Variants in MTURN observed in about 807,000 individuals in gnomAD.
The protein encoded by MTURN is maturin.
MTURN carries 7 observed loss-of-function variants against 14.9 expected under a neutral mutation model. The observed-to-expected ratio is 0.47, with a 90% CI of 0.27 to 0.88. The LOEUF (loss-of-function observed/expected upper bound fraction) is 0.88, where lower values mean the gene tolerates loss of function less well. MTURN is among the 40% of genes least tolerant of loss of function. The pLI is 0.14. For missense variants in MTURN, 151 were observed against 174.1 expected (o/e 0.87, Z 0.75); for synonymous variants, 69 against 72.5 (o/e 0.95, Z 0.25).
In MTURN at chr7:30,161,900, G is replaced by A. The variant is rs1343422971; in HGVS notation, c.*4352G>A. On this transcript the variant is annotated 3_prime_UTR_variant, in exon 3 of 3. Transcript: ENST00000324453. ...TTTATAGAGAGTAATTCTGAAACCTGCCAGAATGCTGGTAGCCTGTGGTGT... is the reference window on the plus strand; with the variant it reads ...TTTATAGAGAGTAATTCTGAAACCTACCAGAATGCTGGTAGCCTGTGGTGT... 1 of 152,142 alleles carries A rather than the reference G, an allele frequency of 6.6e-6. No homozygotes were observed. Among genetic ancestry groups the A allele is most frequent in the Admixed American group, 6.5e-5 (1 of 15,270 alleles). 9.4% of individuals were successfully genotyped at this position (152,142 alleles called of 1,614,324 possible). A position where few individuals can be genotyped will look rare whatever the true frequency, so the allele number is the denominator to read the frequency against.
intron 2 of MTURN, among the ~76,000 whole-genome samples, chr7:30,148,987 C>T (rs756300690): frequency 5.3e-5 from 8 of 152,088 alleles, no homozygotes; most frequent in Non-Finnish European, 1.0e-4. Context: ...ATTGACCTGC[C>T]GCCAGCTGGT....
intron 1 of MTURN, among the ~76,000 whole-genome samples, chr7:30,136,409 C>T (rs1796962145): frequency 6.6e-6 from 1 of 152,094 alleles, no homozygotes; most frequent in South Asian, 2.1e-4. Flanking sequence ...CGGCCGTGGG[C>T]GCGGGTGACC....
intron 1 of MTURN, chr7:30,137,633 T>C (rs867542514): frequency 2.1e-6 from 1 of 471,222 alleles, no homozygotes; most frequent in Middle Eastern, 3.2e-4. Flanking sequence ...GAGGCTCTAA[T>C]GGACAAGATG....
At chr7:30,138,175 G>T (rs1796995189) in intron 1 of MTURN, among the ~76,000 whole-genome samples, 1 of 152,048 alleles carries the variant, frequency 6.6e-6, no homozygotes, top group South Asian at 2.1e-4. Context: ...GAGTGTAGTG[G>T]CGTAATCTTG....
intron 1 of MTURN, 195 bp from the exon 2 acceptor site, chr7:30,145,982 C>T (rs1478459379): frequency 2.8e-5 from 43 of 1,550,634 alleles, no homozygotes; most frequent in Non-Finnish European, 3.7e-5. Context: ...AGCTCGGGGG[C>T]TTCTATAGAT....
intron 1 of MTURN, among the ~76,000 whole-genome samples, chr7:30,135,567 G>T (rs2128028920): frequency 6.6e-6 from 1 of 152,098 alleles, no homozygotes; most frequent in South Asian, 2.1e-4. Context: ...TCCCCCTAAA[G>T]GCCACTCCTC....
chr7:30,157,393 C>T, intron 2 of MTURN, 45 bp from the exon 3 acceptor site: 2 of 1,500,248 alleles, frequency 1.3e-6, no homozygotes, highest in Non-Finnish European at 1.8e-6. Flanking sequence ...TGCCTGTGGG[C>T]CATTTGGCGC....
In MTURN at chr7:30,161,062, T is replaced by C. The variant is rs533391954; in HGVS notation, c.*3514T>C. Reference sequence around the variant, plus strand: ...GCACAATATATTTCTGAATATTGTTTCTGTTTCATAAGAGCACAATGTACA... The same window carrying C: ...GCACAATATATTTCTGAATATTGTTCCTGTTTCATAAGAGCACAATGTACA... On this transcript the variant is annotated 3_prime_UTR_variant, in exon 3 of 3. Transcript: ENST00000324453. 3 of 152,822 alleles carry C rather than the reference T, an allele frequency of 2.0e-5. No individual in the cohort carries two copies. The South Asian group carries it at 6.2e-4, about 32-fold the overall frequency. 9.5% of individuals were successfully genotyped at this position (152,822 alleles called of 1,614,324 possible). A position where few individuals can be genotyped will look rare whatever the true frequency, so the allele number is the denominator to read the frequency against.
chr7:30,144,474 A>G (rs758968379), intron 1 of MTURN, among the ~76,000 whole-genome samples: 4 of 152,236 alleles, frequency 2.6e-5, no homozygotes, highest in East Asian at 1.9e-4. Flanking sequence ...GGAAGAGACT[A>G]TTACATAAAT....
At chr7:30,155,867 G>A (rs933231025) in intron 2 of MTURN, among the ~76,000 whole-genome samples, 1 of 152,216 alleles carries the variant, frequency 6.6e-6, no homozygotes, top group African/African-American at 2.4e-5. Flanking sequence ...TGGAGGGAGT[G>A]AGAGAGGAAG....
rs1407223553 is a variant in MTURN, at chr7:30,161,384, T to C, written c.*3836T>C. 2 of 152,212 alleles carry C rather than the reference T, an allele frequency of 1.3e-5. No homozygotes were observed. The highest frequency in any genetic ancestry group is 2.9e-5 in the Non-Finnish European group (2 of 68,036). The allele number at this position is 152,212 out of a possible 1,614,324, so 9.4% of individuals were successfully genotyped here. ...GAACTGACTGTATGTTGAGAGGCAA[T>C]GCCTTGTGTTGGCATGGCTTTGCCA... On this transcript the variant is annotated 3_prime_UTR_variant, in exon 3 of 3. Transcript: ENST00000324453.
chr7:30,149,115 T>C (rs535490946), intron 2 of MTURN, among the ~76,000 whole-genome samples: 1 of 152,114 alleles, frequency 6.6e-6, no homozygotes, highest in Non-Finnish European at 1.5e-5. Context: ...GAGGCTCTGG[T>C]TGTATTTTGG....
chr7:30,146,126 G>A (rs1344297802), intron 1 of MTURN, 51 bp from the exon 2 acceptor site: 10 of 1,611,862 alleles, frequency 6.2e-6, no homozygotes, highest in Middle Eastern at 1.7e-4. Context: ...CACACTGAGT[G>A]TAGTGACTGT....
intron 2 of MTURN, among the ~76,000 whole-genome samples, chr7:30,153,339 A>G (rs1797239348): frequency 6.6e-6 from 1 of 152,150 alleles, no homozygotes; most frequent in African/African-American, 2.4e-5. Flanking sequence ...CTTTCTATCC[A>G]TGCTTCCAAA....
Position 30,157,420 on chromosome 7 carries a change from C to T in MTURN, c.286-18C>T. 1 of 1,560,596 alleles carries T rather than the reference C, an allele frequency of 6.4e-7. No homozygotes were observed. The highest frequency in any genetic ancestry group is 1.2e-5 in the South Asian group (1 of 83,582). On this transcript the variant is annotated intron_variant, in intron 2 of 2. Transcript: ENST00000324453. ...ATTTGGCGCTCACAGCTGCTTTTCT[C>T]TTGTTCTCTCCCTGTAGTTACTGGG... is the stretch of plus-strand genomic sequence containing the variant.
chr7:30,146,660 T>C (rs1797134932), intron 2 of MTURN, among the ~76,000 whole-genome samples: 1 of 152,138 alleles, frequency 6.6e-6, no homozygotes, highest in Non-Finnish European at 1.5e-5. Flanking sequence ...TTTATAATAG[T>C]GGGGCGTATA....
intron 2 of MTURN, among the ~76,000 whole-genome samples, chr7:30,156,512 T>C (rs1258579270): frequency 2.6e-5 from 4 of 151,588 alleles, no homozygotes; most frequent in Admixed American, 2.0e-4. Flanking sequence ...TAAAAATATA[T>C]ATATACATAC....
rs930727967 is a variant in MTURN, at chr7:30,158,493, T to G, written c.*945T>G. 1.4e-5 allele frequency: 2 copies of G among 145,570 alleles called. No homozygotes were observed. Among genetic ancestry groups the G allele is most frequent in the African/African-American group, 5.2e-5 (2 of 38,772 alleles). 9.0% of individuals were successfully genotyped at this position (145,570 alleles called of 1,614,324 possible). A position where few individuals can be genotyped will look rare whatever the true frequency, so the allele number is the denominator to read the frequency against. On this transcript the variant is annotated 3_prime_UTR_variant, in exon 3 of 3. Coordinates refer to ENST00000324453, the MANE Select transcript of MTURN (RefSeq NM_152793.3). ...ATATGGTAGAATCCTTCTTTACTTTTTAAGTCTTTTATTTAAAAAAAAAAA... is the reference window on the plus strand; with the variant it reads ...ATATGGTAGAATCCTTCTTTACTTTGTAAGTCTTTTATTTAAAAAAAAAAA...
Position 30,159,457 on chromosome 7 carries a change from C to T in MTURN, c.*1909C>T, listed in dbSNP as rs938134136. 6.6e-6 allele frequency: 1 copy of T among 152,336 alleles called. No individual in the cohort carries two copies. Among genetic ancestry groups the T allele is most frequent in the African/African-American group, 2.4e-5 (1 of 41,410 alleles). The allele number at this position is 152,336 out of a possible 1,614,324, so 9.4% of individuals were successfully genotyped here. On this transcript the variant is annotated 3_prime_UTR_variant, in exon 3 of 3. Coordinates refer to ENST00000324453, the MANE Select transcript of MTURN (RefSeq NM_152793.3). ...TTGGAAGGTAAACTGAAATTTTATA[C>T]GTTGAAGCTTAAAATCTAAATTTAT...
Sources: allele counts gnomAD v4.1 joint callset (sites outside exome capture counted in the v4.1 genomes callset), GRCh38; gene constraint gnomAD v4.1.1; transcripts MANE v1.5; gene names NCBI Gene and HGNC (gene_info 2026-07-23, HGNC 2026-07-21).